Variants in SPATA6 observed in about 807,000 individuals in gnomAD.
SPATA6 encodes spermatogenesis associated 6, also known as spermatogenesis-associated protein 6.
A neutral mutation model predicts 65.3 loss-of-function variants in SPATA6; 56 were observed. That is an observed-to-expected ratio of 0.86 (90% CI 0.69 to 1.07). SPATA6 has a LOEUF of 1.07. Ranked by LOEUF, SPATA6 falls within the 50% of genes least tolerant of loss-of-function variation. The probability of loss-of-function intolerance (pLI) is 0.00; values close to 1 mark genes in which losing one functional copy is unlikely to be tolerated. For synonymous variants in SPATA6, 199 were observed against 213.2 expected, an observed-to-expected ratio of 0.93 and a Z score of 0.58; for missense variants, 590 against 594.8, an observed-to-expected ratio of 0.99 and a Z score of 0.08.
intron 9 of SPATA6, among the ~76,000 whole-genome samples, chr1:48,384,078 A>C (rs1570400350): frequency 6.7e-6 from 1 of 150,206 alleles, no homozygotes; most frequent in East Asian, 2.0e-4. Flanking sequence ...CTCCATCTGC[A>C]ATCCCGGCAC....
At chr1:48,362,529 C>A (rs928261594) in intron 9 of SPATA6, among the ~76,000 whole-genome samples, 6 of 152,144 alleles carry the variant, frequency 3.9e-5, no homozygotes, top group Admixed American at 3.3e-4. Context: ...TCTTGAACAT[C>A]TTAGCTCACA....
chr1:48,278,126 C>T, the SPATA6 span, among the ~76,000 whole-genome samples: 1 of 152,312 alleles, frequency 6.6e-6, no homozygotes, highest in African/African-American at 2.4e-5. Context: ...AGGGTCCTGT[C>T]TGTTAGAAGG....
chr1:48,389,609 T>G (rs1160508556), intron 8 of SPATA6, among the ~76,000 whole-genome samples: 1 of 151,992 alleles, frequency 6.6e-6, no homozygotes, highest in South Asian at 2.1e-4. Flanking sequence ...AGACCAGGAA[T>G]GGGATGATAA....
chr1:48,466,687 A>AAAT (rs1657833317), intron 1 of SPATA6, among the ~76,000 whole-genome samples: 1 of 151,900 alleles, frequency 6.6e-6, no homozygotes, highest in Non-Finnish European at 1.5e-5. Flanking sequence ...GAACTATTTT[A>AAAT]TAGTTAAAAT....
intron 3 of SPATA6, among the ~76,000 whole-genome samples, chr1:48,414,653 GCT>G (rs931758258): frequency 2.0e-5 from 3 of 152,108 alleles, no homozygotes; most frequent in Non-Finnish European, 1.5e-5. Flanking sequence ...AGGGGCATAG[GCT>G]CACCAAAAGA....
At chr1:48,360,157 T>C (rs951224807) in intron 9 of SPATA6, among the ~76,000 whole-genome samples, 2 of 152,142 alleles carry the variant, frequency 1.3e-5, no homozygotes, top group Non-Finnish European at 2.9e-5. Flanking sequence ...TAATACTCAT[T>C]CACTACTTCA....
chr1:48,436,759 C>A, intron 3 of SPATA6: 1 of 1,614,158 alleles, frequency 6.2e-7, no homozygotes, highest in Non-Finnish European at 8.5e-7. Context: ...AGCCAGTGGG[C>A]AGGTGCCTTT....
At chr1:48,268,608 A>G in the SPATA6 span, among the ~76,000 whole-genome samples, 1 of 152,154 alleles carries the variant, frequency 6.6e-6, no homozygotes, top group Non-Finnish European at 1.5e-5. Context: ...TTTAGAGAAC[A>G]TACTCTCAAA....
intron 3 of SPATA6, among the ~76,000 whole-genome samples, chr1:48,451,006 A>C (rs1656515117): frequency 6.6e-6 from 1 of 152,236 alleles, no homozygotes; most frequent in Admixed American, 6.5e-5. Flanking sequence ...TGCTGCTCTC[A>C]CAAATAGTTG....
At chr1:48,350,835 T>C (rs1358322517) in intron 11 of SPATA6, among the ~76,000 whole-genome samples, 1 of 151,922 alleles carries the variant, frequency 6.6e-6, no homozygotes, top group Non-Finnish European at 1.5e-5. Flanking sequence ...TTGTTTCAGA[T>C]CGTTTTGATT....
At chr1:48,447,463 G>T (rs183136909) in intron 3 of SPATA6, among the ~76,000 whole-genome samples, 82 of 152,284 alleles carry the variant, frequency 5.4e-4, no homozygotes, top group African/African-American at 1.9e-3. Flanking sequence ...AGCTTGCAGT[G>T]AGCCAACATC....
chr1:48,262,549 CA>C, the SPATA6 span: 1 of 151,926 alleles, frequency 6.6e-6, no homozygotes, highest in Non-Finnish European at 1.5e-5. Context: ...TCTAAATGTC[CA>C]ATAGAGGAAT....
Position 48,399,423 on chromosome 1 carries a change from C to A in SPATA6, c.708G>T (p.Arg236=), listed in dbSNP as rs145391917. The change falls in exon 7 of 13, where the codon CGG becomes CGT. Residue 236 remains arginine (R), a synonymous_variant. Coordinates refer to ENST00000371847, the MANE Select transcript of SPATA6 (RefSeq NM_019073.4). ...AGGGTCCCAGATTTAAATGGGCCAG[C>A]CGCCGCCTGGTGTCTTCAGATAGCT... ...MCELSEDTRR[R]LAHLNLGPYE... is the part of the protein sequence containing the mutation. The A allele has an allele frequency of 6.2e-7, 1 of 1,613,222 alleles. No individual in the cohort carries two copies. Among genetic ancestry groups the A allele is most frequent in the Admixed American group, 1.7e-5 (1 of 59,864 alleles).
chr1:48,287,250 C>A, the SPATA6 span, among the ~76,000 whole-genome samples: 1 of 152,236 alleles, frequency 6.6e-6, no homozygotes, highest in South Asian at 2.1e-4. Context: ...CTCATGAGAA[C>A]TCACTATCAC....
At chr1:48,391,643 A>G (rs1453571377) in intron 8 of SPATA6, among the ~76,000 whole-genome samples, 1 of 152,146 alleles carries the variant, frequency 6.6e-6, no homozygotes, top group African/African-American at 2.4e-5. Context: ...GTCACAAACT[A>G]TATTTCAAAT....
At chr1:48,444,068 T>C (rs747594877) in intron 3 of SPATA6, among the ~76,000 whole-genome samples, 4 of 151,984 alleles carry the variant, frequency 2.6e-5, no homozygotes, top group African/African-American at 9.7e-5. Flanking sequence ...CCAATAGGAG[T>C]TGGGTTGTCC....
chr1:48,355,827 T>TGAAC, intron 10 of SPATA6, 58 bp from the exon 11 acceptor site: 1 of 1,377,718 alleles, frequency 7.3e-7, no homozygotes, highest in Non-Finnish European at 1.0e-6. Flanking sequence ...GATTCTAAGC[T>TGAAC]ATACTATCAA....
At chr1:48,445,659 CAAAAAAAAAAA>C (rs10632587) in intron 3 of SPATA6, among the ~76,000 whole-genome samples, 15,211 of 51,494 alleles carry the variant, frequency 0.3, 1,176 homozygotes, top group South Asian at 0.48. Flanking sequence ...GACTCTGTCT[CAAAAAAAAAAA>C]AAAAAAAAAA....
chr1:48,389,056 G>T (rs981770024), intron 8 of SPATA6, among the ~76,000 whole-genome samples: 2 of 151,964 alleles, frequency 1.3e-5, no homozygotes, highest in Non-Finnish European at 2.9e-5. Flanking sequence ...TGTTGGCCAG[G>T]CTGGTCTCGA....
Sources: allele counts gnomAD v4.1 joint callset (sites outside exome capture counted in the v4.1 genomes callset), GRCh38; gene constraint gnomAD v4.1.1; transcripts MANE v1.5; gene names NCBI Gene and HGNC (gene_info 2026-07-23, HGNC 2026-07-21).